The following GPR39 variants were observed in gnomAD, a reference collection of about 807,000 sequenced individuals.
GPR39 encodes G protein-coupled receptor 39.
A neutral mutation model predicts 18.4 loss-of-function variants in GPR39; 23 were observed. The ratio of observed to expected loss-of-function variants is 1.25; its 90% CI spans 0.90 to 1.77. The LOEUF is 1.77. GPR39 is among the 40% of genes most tolerant of loss of function. The pLI is 0.00. For synonymous variants in GPR39, 280 were observed against 257.9 expected (o/e 1.09, Z -0.82); for missense variants, 647 against 602.4 (o/e 1.07, Z -0.78).
chr2:132,445,736 T>C (rs1680522987), intron 1 of GPR39, among the ~76,000 whole-genome samples: 1 of 152,204 alleles, frequency 6.6e-6, no homozygotes, highest in South Asian at 2.1e-4. Context: ...AATGTAGCTC[T>C]CCAATACAAT....
intron 1 of GPR39, among the ~76,000 whole-genome samples, chr2:132,638,997 G>A (rs75496407): frequency 2.0e-5 from 3 of 152,212 alleles, no homozygotes; most frequent in South Asian, 4.1e-4. Flanking sequence ...TGCTGGTGCT[G>A]CCCTTTTCCA....
At chr2:132,468,038 C>A (rs1234114531) in intron 1 of GPR39, among the ~76,000 whole-genome samples, 1 of 152,130 alleles carries the variant, frequency 6.6e-6, no homozygotes, top group Non-Finnish European at 1.5e-5. Context: ...CTCCTGGTAC[C>A]ATTTTCTTAG....
chr2:132,614,293 A>G (rs1055397259), intron 1 of GPR39, among the ~76,000 whole-genome samples: 18 of 151,782 alleles, frequency 1.2e-4, no homozygotes, highest in African/African-American at 3.9e-4. Flanking sequence ...TGCAACCTCC[A>G]TCTCCCGGGT....
At chr2:132,622,428 C>T (rs1379958668) in intron 1 of GPR39, among the ~76,000 whole-genome samples, 4 of 152,114 alleles carry the variant, frequency 2.6e-5, no homozygotes, top group Non-Finnish European at 5.9e-5. Context: ...ACCAAAATAT[C>T]TAAGGTTTAT....
rs138926740 is a variant in GPR39, at chr2:132,497,408, C to T, written c.856+79510C>T. On this transcript the variant is annotated intron_variant, in intron 1 of 1. Transcript: ENST00000329321. The stretch of plus-strand genomic sequence containing the variant: ...TGGGTTCTGGGTGGGTGGGAGAATC[C>T]GAAAGGAAAAGGTATGGGTAACTGG... Among the ~76,000 whole-genome samples, 683 of 152,040 alleles carry T rather than the reference C, an allele frequency of 4.5e-3. 3 individuals carry two copies. The highest frequency in any genetic ancestry group is 7.9e-3 in the Non-Finnish European group (535 of 67,988).
chr2:132,566,343 T>C (rs1166160820), intron 1 of GPR39, among the ~76,000 whole-genome samples: 2 of 150,610 alleles, frequency 1.3e-5, no homozygotes, highest in Admixed American at 6.6e-5. Context: ...TTCTCCCATG[T>C]TGTAGGTTGC....
chr2:132,493,071 T>C (rs1453046331), intron 1 of GPR39, among the ~76,000 whole-genome samples: 1 of 18,552 alleles, frequency 5.4e-5, no homozygotes, highest in African/African-American at 7.9e-5. Context: ...ACCATATATA[T>C]ACCACATATA....
intron 1 of GPR39, among the ~76,000 whole-genome samples, chr2:132,571,137 C>T (rs1304550514): frequency 2.6e-5 from 4 of 152,188 alleles, no homozygotes; most frequent in Non-Finnish European, 5.9e-5. Flanking sequence ...TCCACCAGGT[C>T]CCTGGTTTAG....
At chr2:132,523,958 G>T (rs1679467268) in intron 1 of GPR39, 1 of 152,674 alleles carries the variant, frequency 6.5e-6, no homozygotes, top group Non-Finnish European at 1.5e-5. Flanking sequence ...TCCCAGACAG[G>T]CAGTATCAGC....
intron 1 of GPR39, among the ~76,000 whole-genome samples, chr2:132,446,116 T>C (rs1182386031): frequency 6.6e-6 from 1 of 152,172 alleles, no homozygotes; most frequent in East Asian, 1.9e-4. Context: ...GATTTTCAAA[T>C]TACATTTAAA....
intron 1 of GPR39, among the ~76,000 whole-genome samples, chr2:132,456,072 A>C (rs1156847399): frequency 1.3e-5 from 2 of 152,270 alleles, no homozygotes; most frequent in Non-Finnish European, 2.9e-5. Flanking sequence ...TAATATTGAC[A>C]GTGGGGTGTT....
Position 132,494,488 on chromosome 2 carries a change from G to C in GPR39, c.856+76590G>C, listed in dbSNP as rs923829485. Among the ~76,000 whole-genome samples the C allele has an allele frequency of 2.0e-5, 3 of 152,042 alleles. No individual in the cohort carries two copies. The East Asian group carries it at 5.8e-4, about 29-fold the overall frequency. ...TCGCTGTGTCACTTTATCACACAAG[G>C]CTTCTATTATGGGACCCACAGGAGA... On this transcript the variant is annotated intron_variant, in intron 1 of 1. Transcript: ENST00000329321.
chr2:132,489,163 C>A, intron 1 of GPR39: 1 of 236,366 alleles, frequency 4.2e-6, no homozygotes, highest in Non-Finnish European at 8.9e-6. Context: ...TTCTTCTTTA[C>A]AGCAGTCTGG....
intron 1 of GPR39, among the ~76,000 whole-genome samples, chr2:132,613,335 T>C (rs6756861): frequency 0.25 from 38,775 of 152,138 alleles, 5,804 homozygotes; most frequent in African/African-American, 0.41. Context: ...CTATTGGGCA[T>C]GATTTTTTAT....
At chr2:132,616,111 C>A (rs1284650191) in intron 1 of GPR39, among the ~76,000 whole-genome samples, 1 of 152,100 alleles carries the variant, frequency 6.6e-6, no homozygotes, top group East Asian at 1.9e-4. Context: ...ACAAACCCAC[C>A]CCCATGTTAG....
At chr2:132,568,775 G>C (rs895349442) in intron 1 of GPR39, among the ~76,000 whole-genome samples, 3 of 152,102 alleles carry the variant, frequency 2.0e-5, no homozygotes, top group African/African-American at 7.3e-5. Context: ...CAGCCCTCTA[G>C]TTGGGGAGAG....
rs533703808 is a variant in GPR39 at position 132,633,909 on chromosome 2, T to A, written c.857-11192T>A. On this transcript the variant is annotated intron_variant, in intron 1 of 1. Transcript: ENST00000329321. ...GTGGTATAGGTGGAGGTGATAATAA[T>A]GGTGGTGGTGTGGTAGCAGTGTTAT... Among the ~76,000 whole-genome samples the A allele has an allele frequency of 4.0e-3, 581 of 146,482 alleles. 4 individuals are homozygous for A. Among genetic ancestry groups the A allele is most frequent in the Non-Finnish European group, 6.5e-3 (444 of 67,816 alleles).
At chr2:132,599,870 C>T (rs1472864027) in intron 1 of GPR39, among the ~76,000 whole-genome samples, 2 of 152,122 alleles carry the variant, frequency 1.3e-5, no homozygotes, top group Admixed American at 6.5e-5. Flanking sequence ...ATGTGATCTC[C>T]CCAGGAAAAT....
intron 1 of GPR39, among the ~76,000 whole-genome samples, chr2:132,536,442 A>G (rs545769474): frequency 6.6e-6 from 1 of 152,268 alleles, no homozygotes; most frequent in South Asian, 2.1e-4. Context: ...ACTGTTTGTT[A>G]TAATTTCTGT....
Sources: allele counts gnomAD v4.1 joint callset (sites outside exome capture counted in the v4.1 genomes callset), GRCh38; gene constraint gnomAD v4.1.1; transcripts MANE v1.5; gene names NCBI Gene and HGNC (gene_info 2026-07-23, HGNC 2026-07-21).